Variants in UMAD1 observed in about 807,000 individuals in gnomAD.
UMAD1 encodes UBAP1-MVB12-associated (UMA) domain containing 1, also known as UBAP1-MVB12-associated (UMA)-domain containing protein 1.
In UMAD1, 8 loss-of-function variants were observed where a neutral mutation model predicts 6.1. The ratio of observed to expected loss-of-function variants is 1.30; its 90% CI spans 0.76 to 2.35. UMAD1 has a LOEUF of 2.35. Ranked by LOEUF, UMAD1 falls within the 30% of genes most tolerant of loss-of-function variation. The probability of loss-of-function intolerance (pLI) is 0.00; values close to 1 mark genes in which losing one functional copy is unlikely to be tolerated. For synonymous variants in UMAD1, 56 were observed against 31.4 expected (o/e 1.78, Z -2.61); for missense variants, 130 against 78.4 (o/e 1.66, Z -2.49).
intron 3 of UMAD1, among the ~76,000 whole-genome samples, chr7:7,871,985 C>T (rs751566129): frequency 6.6e-6 from 1 of 151,960 alleles, no homozygotes; most frequent in African/African-American, 2.4e-5. Context: ...CAGTCTCCCA[C>T]CACATCAAGA....
chr7:7,662,366 A>G (rs1298059814), intron 1 of UMAD1, among the ~76,000 whole-genome samples: 1 of 152,184 alleles, frequency 6.6e-6, no homozygotes. Flanking sequence ...ATGAAAAAAG[A>G]AAACACTCCT....
At chr7:7,720,651 C>T (rs1781028823) in intron 2 of UMAD1, among the ~76,000 whole-genome samples, 1 of 152,096 alleles carries the variant, frequency 6.6e-6, no homozygotes, top group Admixed American at 6.5e-5. Flanking sequence ...AAAGCATCTT[C>T]AATAGTGATT....
chr7:7,672,097 C>T (rs545682004), intron 1 of UMAD1, among the ~76,000 whole-genome samples: 2 of 152,186 alleles, frequency 1.3e-5, no homozygotes, highest in Non-Finnish European at 2.9e-5. Context: ...AAGGCTTTCA[C>T]TCACATTAAA....
At chr7:7,770,790 CATGA>C (rs1782085196) in intron 2 of UMAD1, among the ~76,000 whole-genome samples, 1 of 152,054 alleles carries the variant, frequency 6.6e-6, no homozygotes, top group Non-Finnish European at 1.5e-5. Flanking sequence ...TGGAGACGAT[CATGA>C]GTTCACGATC....
At chr7:7,760,035 A>G (rs1203756838) in intron 2 of UMAD1, among the ~76,000 whole-genome samples, 7 of 152,120 alleles carry the variant, frequency 4.6e-5, no homozygotes, top group Non-Finnish European at 8.8e-5. Flanking sequence ...CTGGCTTACA[A>G]GGGTCAGTTG....
chr7:7,716,890 GTA>G (rs1780922154), intron 2 of UMAD1, among the ~76,000 whole-genome samples: 1 of 152,098 alleles, frequency 6.6e-6, no homozygotes. Flanking sequence ...AGCATGCTAT[GTA>G]AATGGCACAC....
intron 2 of UMAD1, among the ~76,000 whole-genome samples, chr7:7,768,106 C>G (rs1003732968): frequency 2.6e-5 from 4 of 151,762 alleles, no homozygotes; most frequent in Admixed American, 6.6e-5. Context: ...TGTTTGGGTT[C>G]TTGTGTTTGC....
chr7:7,811,213 G>T (rs536609716), intron 3 of UMAD1, among the ~76,000 whole-genome samples: 1 of 152,156 alleles, frequency 6.6e-6, no homozygotes, highest in East Asian at 1.9e-4. Context: ...TAGCTGATGA[G>T]AACATAATTT....
At chr7:7,719,455 C>T (rs903100788) in intron 2 of UMAD1, among the ~76,000 whole-genome samples, 2 of 152,192 alleles carry the variant, frequency 1.3e-5, no homozygotes, top group African/African-American at 4.8e-5. Flanking sequence ...CCAGCTTCAG[C>T]CTCATGAGCA....
intron 3 of UMAD1, among the ~76,000 whole-genome samples, chr7:7,809,856 G>A (rs73357481): frequency 0.017 from 2,543 of 152,114 alleles, 82 homozygotes; most frequent in African/African-American, 0.057. Flanking sequence ...GTAGGGACGC[G>A]TTTCCTTGTT....
At chr7:7,741,189 G>T (rs1194127735) in intron 2 of UMAD1, 3 of 151,968 alleles carry the variant, frequency 2.0e-5, no homozygotes, top group African/African-American at 7.3e-5. Flanking sequence ...AATTCAGGGA[G>T]TAAGTCTTTA....
chr7:7,721,125 G>A (rs1239748836), intron 2 of UMAD1, among the ~76,000 whole-genome samples: 1 of 152,136 alleles, frequency 6.6e-6, no homozygotes, highest in Non-Finnish European at 1.5e-5. Flanking sequence ...GGCAAGGAAG[G>A]ATTCTGCCCT....
At chr7:7,688,617 G>A (rs1344664042) in intron 2 of UMAD1, among the ~76,000 whole-genome samples, 1 of 152,126 alleles carries the variant, frequency 6.6e-6, no homozygotes, top group Non-Finnish European at 1.5e-5. Context: ...TTGATCTCAT[G>A]TTGTAAATCT....
rs1780674290 is a variant in UMAD1, at chr7:7,708,788, T to C, written c.82+35335T>C. On this transcript the variant is annotated intron_variant, in intron 2 of 3. Coordinates refer to ENST00000682710, the MANE Select transcript of UMAD1 (RefSeq NM_001302348.2). Reference sequence around the variant, plus strand: ...TTTTCAACAGATAGAATGTTAGGACTTTTTTTGCCCATTAATATGTGGTTT... The same window carrying C: ...TTTTCAACAGATAGAATGTTAGGACCTTTTTTGCCCATTAATATGTGGTTT... Among the ~76,000 whole-genome samples the C allele has an allele frequency of 2.0e-5, 3 of 152,214 alleles. No individual in the cohort carries two copies. The South Asian group carries it at 6.2e-4, about 32-fold the overall frequency.
intron 3 of UMAD1, among the ~76,000 whole-genome samples, chr7:7,813,269 A>G (rs1177980925): frequency 2.0e-5 from 3 of 152,022 alleles, no homozygotes; most frequent in Non-Finnish European, 2.9e-5. Flanking sequence ...AGGCTGGACA[A>G]CCTTGGCTCA....
At chr7:7,664,462 T>C (rs1047817278) in intron 1 of UMAD1, among the ~76,000 whole-genome samples, 3 of 152,224 alleles carry the variant, frequency 2.0e-5, no homozygotes, top group Admixed American at 6.5e-5. Flanking sequence ...GCTGACACTT[T>C]CCTGACGCTT....
chr7:7,644,947 C>T (rs565090379), intron 1 of UMAD1, among the ~76,000 whole-genome samples: 29 of 152,142 alleles, frequency 1.9e-4, no homozygotes, highest in Non-Finnish European at 2.8e-4. Flanking sequence ...ATCCTTGAGC[C>T]ATTTTGGTCC....
chr7:7,704,846 C>A, intron 2 of UMAD1, among the ~76,000 whole-genome samples: 1 of 136,242 alleles, frequency 7.3e-6, no homozygotes. Flanking sequence ...TCTTTAATCA[C>A]AAAAGGGTCA....
intron 1 of UMAD1, among the ~76,000 whole-genome samples, chr7:7,645,479 A>G (rs1029588969): frequency 1.3e-5 from 2 of 152,176 alleles, no homozygotes; most frequent in Middle Eastern, 3.2e-3. Context: ...AGGCCAGGTA[A>G]GTGATGGAGC....
Sources: allele counts gnomAD v4.1 joint callset (sites outside exome capture counted in the v4.1 genomes callset), GRCh38; gene constraint gnomAD v4.1.1; transcripts MANE v1.5; gene names NCBI Gene and HGNC (gene_info 2026-07-23, HGNC 2026-07-21).